The following IMMP2L variants were observed in gnomAD, a reference collection of about 807,000 sequenced individuals.
The protein encoded by IMMP2L is inner mitochondrial membrane peptidase subunit 2.
IMMP2L carries 18 observed loss-of-function variants against 19.3 expected under a neutral mutation model. The observed-to-expected ratio is 0.93, with a 90% confidence interval of 0.64 to 1.38. The LOEUF is 1.38. Among genes scored for constraint, IMMP2L ranks in the 40% most tolerant of loss-of-function variants. The pLI is 0.00. For synonymous variants in IMMP2L, 76 were observed against 73.0 expected (o/e 1.04, Z -0.21); for missense variants, 233 against 218.2 (o/e 1.07, Z -0.43).
At chr7:111,281,016 G>A (rs1001705819) in intron 3 of IMMP2L, among the ~76,000 whole-genome samples, 26 of 151,754 alleles carry the variant, frequency 1.7e-4, no homozygotes, top group African/African-American at 6.1e-4. Flanking sequence ...CTTGCTGTGA[G>A]TGGAGATCAC....
At chr7:111,186,392 C>T (rs1001363525) in intron 3 of IMMP2L, among the ~76,000 whole-genome samples, 2 of 152,010 alleles carry the variant, frequency 1.3e-5, no homozygotes, top group African/African-American at 4.8e-5. Context: ...TCATTCCACT[C>T]AATTTTTTTA....
intron 1 of IMMP2L, among the ~76,000 whole-genome samples, chr7:111,531,045 G>A (rs1437643723): frequency 9.3e-5 from 14 of 151,116 alleles, no homozygotes; most frequent in Admixed American, 5.9e-4. Flanking sequence ...TCCGCCTCCC[G>A]GGTTCACGCC....
At chr7:111,482,965 A>C (rs967071039) in intron 3 of IMMP2L, among the ~76,000 whole-genome samples, 9 of 152,188 alleles carry the variant, frequency 5.9e-5, no homozygotes, top group African/African-American at 2.2e-4. Flanking sequence ...CATAAAAAAT[A>C]AAAAATGAAA....
chr7:111,219,583 T>C (rs1812308042), intron 3 of IMMP2L, among the ~76,000 whole-genome samples: 1 of 152,028 alleles, frequency 6.6e-6, no homozygotes, highest in Non-Finnish European at 1.5e-5. Flanking sequence ...TTTGCTTACA[T>C]ATTTTATTAT....
chr7:111,452,601 C>T lies in IMMP2L; in HGVS notation c.239+34637G>A, dbSNP rs546825487. 2.0e-5 allele frequency among the ~76,000 whole-genome samples: 3 copies of T among 152,124 alleles called. No homozygotes were observed. The East Asian group carries it at 5.8e-4, about 29-fold the overall frequency. ...AAGAGAAGATCATGAGTGAACTATC[C>T]AAATTTTATTACAATCTTGAAAAAT... On this transcript the variant is annotated intron_variant, in intron 3 of 5. Coordinates refer to ENST00000405709, the MANE Select transcript of IMMP2L (RefSeq NM_032549.4).
intron 5 of IMMP2L, among the ~76,000 whole-genome samples, chr7:110,688,915 A>G (rs1793305994): frequency 6.7e-6 from 1 of 149,498 alleles, no homozygotes; most frequent in African/African-American, 2.6e-5. Flanking sequence ...TTTTCTATCA[A>G]AAAGAGGTCT....
Position 111,133,972 on chromosome 7 carries a change from C to A in IMMP2L, c.240-170407G>T, listed in dbSNP as rs185911819. 4.6e-5 allele frequency among the ~76,000 whole-genome samples: 7 copies of A among 152,086 alleles called. No homozygotes were observed. In the East Asian group the frequency reaches 1.2e-3, roughly 25 times the overall value. On this transcript the variant is annotated intron_variant, in intron 3 of 5. Transcript: ENST00000405709. ...TTCGTAGATGGCCAAAATGTCACTCCAGCTTTCTACTGTCTCCCCAAAGGA... is the reference window on the plus strand; with the variant it reads ...TTCGTAGATGGCCAAAATGTCACTCAAGCTTTCTACTGTCTCCCCAAAGGA...
At chr7:111,061,116 G>C (rs10487303) in intron 3 of IMMP2L, among the ~76,000 whole-genome samples, 4,579 of 152,262 alleles carry the variant, frequency 0.03, 227 homozygotes, top group African/African-American at 0.1. Flanking sequence ...AATCACCTGA[G>C]ACGGAGGAGT....
chr7:111,527,422 A>AGGG (rs34300115), intron 1 of IMMP2L, among the ~76,000 whole-genome samples: 94 of 106,200 alleles, frequency 8.9e-4, no homozygotes, highest in East Asian at 4.1e-3. Flanking sequence ...GTCTCCAAAA[A>AGGG]GGGGGGGGGG....
chr7:111,158,857 G>A (rs1355364569), intron 3 of IMMP2L, among the ~76,000 whole-genome samples: 1 of 152,004 alleles, frequency 6.6e-6, no homozygotes, highest in African/African-American at 2.4e-5. Flanking sequence ...GGAAATCAAG[G>A]ACTAGTCTAA....
chr7:110,737,700 A>G (rs993419925), intron 5 of IMMP2L, among the ~76,000 whole-genome samples: 1 of 152,212 alleles, frequency 6.6e-6, no homozygotes, highest in Admixed American at 6.5e-5. Context: ...TGCATCCTCC[A>G]TATAGGACCA....
chr7:110,731,058 T>G (rs1471799123), intron 5 of IMMP2L, among the ~76,000 whole-genome samples: 1 of 152,208 alleles, frequency 6.6e-6, no homozygotes, highest in Non-Finnish European at 1.5e-5. Context: ...TAAGTAAATT[T>G]AAAACACAAT....
chr7:111,293,989 C>G (rs974696713), intron 3 of IMMP2L, among the ~76,000 whole-genome samples: 14 of 151,798 alleles, frequency 9.2e-5, no homozygotes, highest in African/African-American at 3.4e-4. Flanking sequence ...AGAGAAAGAC[C>G]ATAAATAGTA....
intron 5 of IMMP2L, among the ~76,000 whole-genome samples, chr7:110,753,411 C>T (rs1019754743): frequency 2.0e-5 from 3 of 151,928 alleles, no homozygotes; most frequent in East Asian, 1.9e-4. Flanking sequence ...ACTTTCATTA[C>T]GGATTCCTGC....
At chr7:111,472,020 T>C (rs1262789076) in intron 3 of IMMP2L, among the ~76,000 whole-genome samples, 1 of 152,130 alleles carries the variant, frequency 6.6e-6, no homozygotes, top group East Asian at 1.9e-4. Flanking sequence ...TTAACTGTTA[T>C]ATACGATCTT....
At chr7:111,353,169 G>T (rs764483085) in intron 3 of IMMP2L, among the ~76,000 whole-genome samples, 32 of 152,142 alleles carry the variant, frequency 2.1e-4, no homozygotes, top group Non-Finnish European at 4.0e-4. Flanking sequence ...CATCAGACAG[G>T]GGCCTTAGAT....
chr7:111,209,544 C>G, intron 3 of IMMP2L, among the ~76,000 whole-genome samples: 1 of 151,932 alleles, frequency 6.6e-6, no homozygotes, highest in Non-Finnish European at 1.5e-5. Context: ...TAAATGCCAC[C>G]AAACATTTAG....
intron 3 of IMMP2L, among the ~76,000 whole-genome samples, chr7:111,444,553 A>T (rs1305351176): frequency 6.6e-6 from 1 of 152,164 alleles, no homozygotes. Flanking sequence ...GCCTGCAAAT[A>T]AGTGTTGAAT....
chr7:111,329,980 G>T (rs1171223363), intron 3 of IMMP2L, among the ~76,000 whole-genome samples: 2 of 151,710 alleles, frequency 1.3e-5, no homozygotes, highest in African/African-American at 4.8e-5. Context: ...CAAGACACTG[G>T]CAAGAACAGT....
Sources: allele counts gnomAD v4.1 joint callset (sites outside exome capture counted in the v4.1 genomes callset), GRCh38; gene constraint gnomAD v4.1.1; transcripts MANE v1.5; gene names NCBI Gene and HGNC (gene_info 2026-07-23, HGNC 2026-07-21).